The following AASS variants were observed in gnomAD, a reference collection of about 807,000 sequenced individuals.
AASS encodes alpha-aminoadipic semialdehyde synthase, mitochondrial.
AASS carries 86 observed loss-of-function variants against 105.4 expected under a neutral mutation model. That is an observed-to-expected ratio of 0.82 (90% CI 0.69 to 0.98). The LOEUF is 0.98. AASS is among the 50% of genes least tolerant of loss of function. AASS has a pLI of 0.00. For synonymous variants in AASS, 381 were observed against 394.8 expected (o/e 0.96, Z 0.41); for missense variants, 1,048 against 1,143.2 (o/e 0.92, Z 1.20).
At chr7:122,124,537 C>G (rs1795572189) in intron 4 of AASS, among the ~76,000 whole-genome samples, 1 of 152,232 alleles carries the variant, frequency 6.6e-6, no homozygotes, top group South Asian at 2.1e-4. Context: ...CCCTCTTCGG[C>G]CTCCCGAAGT....
chr7:122,120,119 C>CATTTCTATTTCAGTTG (rs1795375655), intron 4 of AASS, among the ~76,000 whole-genome samples: 1 of 152,068 alleles, frequency 6.6e-6, no homozygotes, highest in African/African-American at 2.4e-5. Context: ...AAGAGTTTCC[C>CATTTCTATTTCAGTTG]ATTTCTATTT....
At chr7:122,129,652 G>T in intron 2 of AASS, 115 bp from the exon 3 acceptor site, 1 of 924,274 alleles carries the variant, frequency 1.1e-6, no homozygotes, top group Non-Finnish European at 1.7e-6. Context: ...AAATCTGTAT[G>T]AATTAGAACA....
At chr7:122,114,652 T>C (rs891339094) in intron 9 of AASS, among the ~76,000 whole-genome samples, 2 of 151,790 alleles carry the variant, frequency 1.3e-5, no homozygotes, top group Non-Finnish European at 2.9e-5. Flanking sequence ...AGACTAGAGA[T>C]AGAGATGAGA....
intron 11 of AASS, among the ~76,000 whole-genome samples, chr7:122,108,612 A>C (rs974158605): frequency 4.6e-5 from 7 of 152,166 alleles, no homozygotes; most frequent in Admixed American, 1.3e-4. Flanking sequence ...AATATTTGAC[A>C]AATTCAACAT....
At chr7:122,141,885 T>C (rs1473564002) in intron 1 of AASS, among the ~76,000 whole-genome samples, 2 of 152,154 alleles carry the variant, frequency 1.3e-5, no homozygotes, top group African/African-American at 2.4e-5. Context: ...TTAAGCATAG[T>C]AGTAACTGGA....
intron 11 of AASS, among the ~76,000 whole-genome samples, chr7:122,103,834 G>A (rs1350916749): frequency 6.6e-6 from 1 of 151,734 alleles, no homozygotes; most frequent in African/African-American, 2.4e-5. Flanking sequence ...TGGTGGGAGG[G>A]TAGAATTCTA....
At chr7:122,079,058 G>A (rs1793180530) in intron 21 of AASS, 108 bp from the exon 22 acceptor site, 1 of 1,596,768 alleles carries the variant, frequency 6.3e-7, no homozygotes, top group East Asian at 2.2e-5. Flanking sequence ...AGAATTACAA[G>A]GTGGTAACTC....
chr7:122,094,638 T>G (rs1366922238), intron 15 of AASS, among the ~76,000 whole-genome samples: 1 of 152,182 alleles, frequency 6.6e-6, no homozygotes, highest in Non-Finnish European at 1.5e-5. Context: ...AACACTCATA[T>G]TTATGAAAAT....
At chr7:122,091,012 T>C (rs1584824654) in intron 18 of AASS, among the ~76,000 whole-genome samples, 2 of 152,096 alleles carry the variant, frequency 1.3e-5, no homozygotes, top group East Asian at 1.9e-4. Flanking sequence ...TAACATACTT[T>C]GGAAATTTCC....
chr7:122,104,111 C>T (rs1185994784), intron 11 of AASS, among the ~76,000 whole-genome samples: 1 of 151,924 alleles, frequency 6.6e-6, no homozygotes, highest in Non-Finnish European at 1.5e-5. Context: ...CTTGGCATAT[C>T]AATAATTACT....
rs536581689 is a variant in AASS, at chr7:122,114,581, G to A, written c.1043+493C>T. ...CAAGGAGATTAAGTTCTAGGAAGAG[G>A]GAGAAAAATCATAAACACGAGAAAA... is the stretch of plus-strand genomic sequence containing the variant. On this transcript the variant is annotated intron_variant, in intron 9 of 23. Transcript: ENST00000417368. Among the ~76,000 whole-genome samples, 7 of 152,110 alleles carry A rather than the reference G, an allele frequency of 4.6e-5. No homozygotes were observed. In the East Asian group the frequency reaches 1.4e-3, roughly 29 times the overall value.
chr7:122,127,930 T>C (rs1795730905), intron 3 of AASS, among the ~76,000 whole-genome samples: 1 of 152,198 alleles, frequency 6.6e-6, no homozygotes. Flanking sequence ...CCTTTGAATG[T>C]CTAATAGAAT....
intron 6 of AASS, among the ~76,000 whole-genome samples, 183 bp from the exon 7 acceptor site, chr7:122,117,140 C>G (rs1167635899): frequency 6.6e-6 from 1 of 152,108 alleles, no homozygotes; most frequent in Non-Finnish European, 1.5e-5. Context: ...AGCTTTTATT[C>G]CTGTTAGAAC....
At position 122,091,737 on chromosome 7, in the gene AASS, A is replaced by T. The variant is rs1793911144; in HGVS notation, c.1982T>A (p.Val661Glu). 1 of 1,613,440 alleles carries T rather than the reference A, an allele frequency of 6.2e-7. No homozygotes were observed. Among genetic ancestry groups the T allele is most frequent in the African/African-American group, 1.3e-5 (1 of 74,926 alleles). Residue 661 changes from valine to glutamate, a missense_variant, in exon 18 of 24, where the codon GTA becomes GAA. Val to Glu is a moderately radical substitution (Grantham distance 121). Coordinates refer to ENST00000417368, the MANE Select transcript of AASS (RefSeq NM_005763.4). ...GAGCAGATAGGTGGCAGACTGCATT[A>T]CATTCATCAAAACTCCCACTGGACT... ...SWSPVGVLMN[V>E]MQSATYLLDG...
intron 19 of AASS, chr7:122,081,835 C>G: frequency 2.0e-6 from 1 of 498,250 alleles, no homozygotes; most frequent in South Asian, 2.4e-5. Context: ...ATTTCAAGCT[C>G]AAACTGAGAT....
At chr7:122,137,043 C>T (rs1000601000) in intron 1 of AASS, among the ~76,000 whole-genome samples, 2 of 152,196 alleles carry the variant, frequency 1.3e-5, no homozygotes, top group Non-Finnish European at 2.9e-5. Context: ...ATTTGGGAAG[C>T]TACTTTCACT....
chr7:122,113,273 T>C, intron 10 of AASS, 44 bp from the exon 11 acceptor site: 1 of 1,550,200 alleles, frequency 6.5e-7, no homozygotes, highest in Non-Finnish European at 8.9e-7. Context: ...AAAACATTAT[T>C]TGTAAGTTCT....
intron 8 of AASS, among the ~76,000 whole-genome samples, chr7:122,115,685 T>C (rs995630579): frequency 2.8e-4 from 43 of 152,176 alleles, no homozygotes; most frequent in African/African-American, 9.4e-4. Flanking sequence ...GGATAACATC[T>C]GTAAGCTCTA....
Position 122,093,156 on chromosome 7 carries a change from A to T in AASS, c.1658T>A (p.Leu553Ter). 6.2e-7 allele frequency: 1 copy of T among 1,611,480 alleles called. No homozygotes were observed. The highest frequency in any genetic ancestry group is 1.1e-5 in the South Asian group (1 of 91,040). ...AAGAGGGTGCAATACATAAGGCAAC[A>T]AGCTTGAAAACAGGAAGAAACTAAT... ...LVAKQDLVIS[L>*]LPYVLHPLVA... The change falls in exon 16 of 24, where the codon TTG (leucine) becomes TAG (stop). Residue 553 changes from leucine (L) to a stop codon, truncating the protein, a stop_gained and splice_region_variant. Coordinates refer to ENST00000417368, the MANE Select transcript of AASS (RefSeq NM_005763.4). LOFTEE classifies it high-confidence loss of function.
Sources: allele counts gnomAD v4.1 joint callset (sites outside exome capture counted in the v4.1 genomes callset), GRCh38; gene constraint gnomAD v4.1.1; transcripts MANE v1.5; gene names NCBI Gene and HGNC (gene_info 2026-07-23, HGNC 2026-07-21).